Variants in GPM6A observed in about 807,000 individuals in gnomAD.
GPM6A encodes the protein glycoprotein M6A, also known as neuronal membrane glycoprotein M6-a.
A neutral mutation model predicts 32.1 loss-of-function variants in GPM6A; 7 were observed. That is an observed-to-expected ratio of 0.22 (90% CI 0.12 to 0.41). GPM6A has a LOEUF of 0.41. Ranked by LOEUF, GPM6A falls within the 10% of genes least tolerant of loss-of-function variation. The pLI, the probability that GPM6A is intolerant of heterozygous loss-of-function variation, is 1.00. For synonymous variants in GPM6A, 130 were observed against 123.4 expected, an observed-to-expected ratio of 1.05 and a Z score of -0.35; for missense variants, 235 against 347.2, an observed-to-expected ratio of 0.68 and a Z score of 2.57.
At chr4:175,795,839 C>G (rs1734200425) in intron 1 of GPM6A, 1 of 152,270 alleles carries the variant, frequency 6.6e-6, no homozygotes, top group Non-Finnish European at 1.5e-5. Context: ...ACCTTAGATC[C>G]TTTGCTCTGG....
chr4:175,680,761 T>C (rs1353615695), intron 2 of GPM6A, among the ~76,000 whole-genome samples: 1 of 152,222 alleles, frequency 6.6e-6, no homozygotes, highest in East Asian at 1.9e-4. Context: ...TTTACTGTGT[T>C]TTTATGTAAA....
Position 175,730,233 on chromosome 4 carries a change from C to A in GPM6A, c.38-28466G>T, listed in dbSNP as rs538488689. Among the ~76,000 whole-genome samples, 320 of 152,050 alleles carry A rather than the reference C, an allele frequency of 2.1e-3. 2 individuals are homozygous for A. Among genetic ancestry groups the A allele is most frequent in the Admixed American group, 3.3e-3 (50 of 15,258 alleles). On this transcript the variant is annotated intron_variant, in intron 1 of 6. Coordinates refer to ENST00000393658, the MANE Select transcript of GPM6A (RefSeq NM_201591.3). ...CATTTTTACATCTTTTTGTCATTTT[C>A]TTTTATTTATGTATTTATTTATTTT...
intron 4 of GPM6A, among the ~76,000 whole-genome samples, chr4:175,649,799 C>T (rs1741675823): frequency 6.6e-6 from 1 of 152,140 alleles, no homozygotes; most frequent in Non-Finnish European, 1.5e-5. Flanking sequence ...TTTAGTATAA[C>T]TATATCCCAT....
intron 2 of GPM6A, among the ~76,000 whole-genome samples, chr4:175,696,796 C>T (rs192662569): frequency 1.3e-5 from 2 of 152,164 alleles, no homozygotes; most frequent in African/African-American, 2.4e-5. Context: ...TCCCTTCTTA[C>T]ACTCATCCAT....
At chr4:175,673,552 A>AT in intron 3 of GPM6A, 128 bp downstream of exon 3, 3 of 567,676 alleles carry the variant, frequency 5.3e-6, no homozygotes, top group Non-Finnish European at 9.1e-6. Flanking sequence ...AAGATTTAAG[A>AT]TAGCATCACA....
At chr4:175,757,861 T>A (rs1732590087) in intron 1 of GPM6A, among the ~76,000 whole-genome samples, 1 of 152,154 alleles carries the variant, frequency 6.6e-6, no homozygotes, top group Non-Finnish European at 1.5e-5. Context: ...CGAATAAGTA[T>A]AAAAATGTAC....
chr4:175,991,092 C>T (rs766171385), intron 1 of GPM6A, among the ~76,000 whole-genome samples: 5 of 120,052 alleles, frequency 4.2e-5, no homozygotes, highest in South Asian at 2.6e-4. Flanking sequence ...TTTTTTTTGA[C>T]GTAATTTCGC....
At chr4:175,923,549 T>G (rs556950806) in intron 1 of GPM6A, among the ~76,000 whole-genome samples, 1 of 151,650 alleles carries the variant, frequency 6.6e-6, no homozygotes, top group South Asian at 2.1e-4. Flanking sequence ...TTTGTGTTTT[T>G]TTGTTGTTGT....
chr4:175,700,125 A>G (rs967487383), intron 2 of GPM6A, among the ~76,000 whole-genome samples: 66 of 151,934 alleles, frequency 4.3e-4, no homozygotes, highest in Non-Finnish European at 1.8e-4. Context: ...AGCCTCCCAA[A>G]GTGCTGGGAT....
At chr4:175,865,091 G>C (rs150457867) in intron 1 of GPM6A, among the ~76,000 whole-genome samples, 1 of 152,160 alleles carries the variant, frequency 6.6e-6, no homozygotes, top group Non-Finnish European at 1.5e-5. Context: ...GATTACAGGC[G>C]TGAGTCACTG....
chr4:175,850,759 C>T (rs2111401369), intron 1 of GPM6A, among the ~76,000 whole-genome samples: 1 of 150,986 alleles, frequency 6.6e-6, no homozygotes, highest in East Asian at 1.9e-4. Flanking sequence ...AGGGCACCTA[C>T]AGAATGGGGA....
chr4:175,988,802 A>C (rs1741052302), intron 1 of GPM6A, among the ~76,000 whole-genome samples: 1 of 152,202 alleles, frequency 6.6e-6, no homozygotes, highest in East Asian at 1.9e-4. Flanking sequence ...CAAGAGCCTA[A>C]TTGGCAAAGA....
intron 1 of GPM6A, among the ~76,000 whole-genome samples, chr4:175,825,584 A>G (rs565589176): frequency 4.8e-4 from 73 of 152,290 alleles, no homozygotes; most frequent in African/African-American, 1.6e-3. Flanking sequence ...GGCAGTGAAG[A>G]GTGTTTTAGA....
chr4:175,963,188 T>C (rs141842732), intron 1 of GPM6A, among the ~76,000 whole-genome samples: 1 of 151,756 alleles, frequency 6.6e-6, no homozygotes, highest in African/African-American at 2.4e-5. Context: ...AGTTGTAACA[T>C]ATTTATAATG....
chr4:175,885,641 A>G (rs1178488422), intron 1 of GPM6A, among the ~76,000 whole-genome samples: 2 of 152,214 alleles, frequency 1.3e-5, no homozygotes, highest in Non-Finnish European at 2.9e-5. Context: ...AAAAAAGAAA[A>G]GAATTACTTA....
intron 1 of GPM6A, among the ~76,000 whole-genome samples, chr4:175,969,984 CT>C (rs1192197587): frequency 5.9e-5 from 9 of 152,168 alleles, no homozygotes; most frequent in African/African-American, 2.2e-4. Flanking sequence ...AATTTAACTA[CT>C]TTTACTTTCA....
chr4:175,736,498 A>C (rs971942865), intron 1 of GPM6A, among the ~76,000 whole-genome samples: 2 of 152,194 alleles, frequency 1.3e-5, no homozygotes, highest in Admixed American at 1.3e-4. Flanking sequence ...TTTCTTTAAA[A>C]AAATTTGAAA....
chr4:175,938,779 T>G (rs1739320759), intron 1 of GPM6A, among the ~76,000 whole-genome samples: 1 of 151,264 alleles, frequency 6.6e-6, no homozygotes, highest in African/African-American at 2.4e-5. Flanking sequence ...GTGATAGATA[T>G]TCCAAGTACC....
intron 1 of GPM6A, among the ~76,000 whole-genome samples, chr4:175,918,144 T>C (rs894926658): frequency 3.3e-5 from 5 of 151,064 alleles, no homozygotes; most frequent in Non-Finnish European, 5.9e-5. Flanking sequence ...AGATTGAACA[T>C]GGACAGAAAA....
Sources: allele counts gnomAD v4.1 joint callset (sites outside exome capture counted in the v4.1 genomes callset), GRCh38; gene constraint gnomAD v4.1.1; transcripts MANE v1.5; gene names NCBI Gene and HGNC (gene_info 2026-07-23, HGNC 2026-07-21).